The following SND1 variants were observed in gnomAD, a reference collection of about 807,000 sequenced individuals.
SND1 encodes the protein staphylococcal nuclease and tudor domain containing 1.
A neutral mutation model predicts 121.7 loss-of-function variants in SND1; 38 were observed. The ratio of observed to expected loss-of-function variants is 0.31; its 90% confidence interval spans 0.24 to 0.41. The LOEUF (loss-of-function observed/expected upper bound fraction) is 0.41. Among genes scored for constraint, SND1 ranks in the 10% least tolerant of loss-of-function variants. SND1 has a pLI of 1.00. For missense variants in SND1, 868 were observed against 1,184.6 expected (o/e 0.73, Z 3.92); for synonymous variants, 401 against 447.4 (o/e 0.90, Z 1.31).
chr7:127,763,691 A>C (rs971054991), intron 10 of SND1, among the ~76,000 whole-genome samples: 3 of 152,110 alleles, frequency 2.0e-5, no homozygotes, highest in Non-Finnish European at 4.4e-5. Flanking sequence ...GGACAAAAAA[A>C]CCCAGGACTA....
rs185719312 is a variant in SND1 at position 127,658,488 on chromosome 7, A to C, written c.78+6037A>C. The stretch of plus-strand genomic sequence containing the variant: ...GATTAAAAAAGAAAATGCCAAAAGT[A>C]GGCTTTATAAGAGCTAAATAGCATC... On this transcript the variant is annotated intron_variant, in intron 1 of 23. Coordinates refer to ENST00000354725, the MANE Select transcript of SND1 (RefSeq NM_014390.4). Among the ~76,000 whole-genome samples, 13 of 152,350 alleles carry C rather than the reference A, an allele frequency of 8.5e-5. No homozygotes were observed. The East Asian group carries it at 2.5e-3, about 29-fold the overall frequency.
chr7:127,892,260 A>T (rs1015812629), intron 13 of SND1, among the ~76,000 whole-genome samples: 3 of 152,106 alleles, frequency 2.0e-5, no homozygotes, highest in African/African-American at 7.2e-5. Context: ...AAGGGATATG[A>T]TCTGCCAACC....
At chr7:128,090,034 A>G (rs1375553330) in intron 22 of SND1, among the ~76,000 whole-genome samples, 1 of 152,122 alleles carries the variant, frequency 6.6e-6, no homozygotes, top group Non-Finnish European at 1.5e-5. Flanking sequence ...ACTGTCCAAC[A>G]GACAGCTTCC....
At chr7:127,670,913 A>C (rs1428240259) in intron 1 of SND1, among the ~76,000 whole-genome samples, 1 of 152,014 alleles carries the variant, frequency 6.6e-6, no homozygotes, top group Non-Finnish European at 1.5e-5. Context: ...TTTTTGGAGC[A>C]GTAGTCTTTT....
At chr7:127,755,684 G>A (rs549051966) in intron 10 of SND1, among the ~76,000 whole-genome samples, 25 of 152,330 alleles carry the variant, frequency 1.6e-4, no homozygotes, top group African/African-American at 5.8e-4. Flanking sequence ...TGCAAATGAT[G>A]GTCTAATTTG....
chr7:127,673,455 A>G (rs1296551229), intron 1 of SND1, among the ~76,000 whole-genome samples: 1 of 151,974 alleles, frequency 6.6e-6, no homozygotes, highest in Non-Finnish European at 1.5e-5. Context: ...GGGACTACAG[A>G]CACATGTCAC....
intron 10 of SND1, among the ~76,000 whole-genome samples, chr7:127,741,811 G>A (rs922454772): frequency 6.6e-6 from 1 of 152,142 alleles, no homozygotes; most frequent in Non-Finnish European, 1.5e-5. Flanking sequence ...TTTTGGGGTA[G>A]CTCAGATCTC....
At chr7:127,655,208 T>C (rs1795190773) in intron 1 of SND1, among the ~76,000 whole-genome samples, 1 of 152,188 alleles carries the variant, frequency 6.6e-6, no homozygotes, top group African/African-American at 2.4e-5. Context: ...TCCTTCCTCT[T>C]TTTTGGCAAA....
In SND1 at chr7:127,972,028, G is replaced by A. The variant is rs541076705; in HGVS notation, c.1670-18919G>A. ...GAGCTCAGACAGTCCACCCGCCTCG[G>A]CCTCCCAAAGTGCTAGGATTATAGG... On this transcript the variant is annotated intron_variant, in intron 15 of 23. Coordinates refer to ENST00000354725, the MANE Select transcript of SND1 (RefSeq NM_014390.4). Among the ~76,000 whole-genome samples the A allele has an allele frequency of 6.3e-4, 96 of 152,018 alleles. 1 individual carries two copies. Among genetic ancestry groups the A allele is most frequent in the Non-Finnish European group, 1.1e-3 (75 of 67,972 alleles).
At chr7:127,732,397 T>C (rs536968863) in intron 10 of SND1, among the ~76,000 whole-genome samples, 30 of 152,344 alleles carry the variant, frequency 2.0e-4, no homozygotes, top group Admixed American at 1.8e-3. Context: ...ATTTGGTCGT[T>C]CTATTAGTTG....
chr7:127,990,726 C>T (rs1433226206), intron 15 of SND1, among the ~76,000 whole-genome samples: 2 of 152,176 alleles, frequency 1.3e-5, no homozygotes, highest in African/African-American at 4.8e-5. Flanking sequence ...GCTGAGAGCT[C>T]CTATCCATTG....
At chr7:127,942,446 G>A (rs767953443) in intron 15 of SND1, among the ~76,000 whole-genome samples, 1 of 152,162 alleles carries the variant, frequency 6.6e-6, no homozygotes, top group African/African-American at 2.4e-5. Context: ...AATCAGAAAT[G>A]CACAGTCATA....
At chr7:128,002,044 G>A (rs1046058505) in intron 16 of SND1, among the ~76,000 whole-genome samples, 1 of 152,244 alleles carries the variant, frequency 6.6e-6, no homozygotes, top group African/African-American at 2.4e-5. Flanking sequence ...AGGTATGTGT[G>A]TTGTGAGCAG....
chr7:127,864,983 G>A (rs964932799), intron 12 of SND1, among the ~76,000 whole-genome samples: 3 of 152,232 alleles, frequency 2.0e-5, no homozygotes, highest in Non-Finnish European at 4.4e-5. Context: ...TCATGTTATA[G>A]AAGCACCATT....
chr7:127,666,677 A>G (rs943495407), intron 1 of SND1, among the ~76,000 whole-genome samples: 5 of 152,244 alleles, frequency 3.3e-5, no homozygotes, highest in African/African-American at 9.6e-5. Flanking sequence ...GTTTTTAATA[A>G]AAATGGATGA....
chr7:127,762,484 A>T (rs1355977900), intron 10 of SND1, among the ~76,000 whole-genome samples: 1 of 152,158 alleles, frequency 6.6e-6, no homozygotes, highest in African/African-American at 2.4e-5. Flanking sequence ...GACCCACTGT[A>T]ATGGCCTCAT....
At chr7:128,009,773 CTTTT>C (rs35016140) in intron 16 of SND1, among the ~76,000 whole-genome samples, 2 of 144,920 alleles carry the variant, frequency 1.4e-5, no homozygotes, top group Non-Finnish European at 1.5e-5. Context: ...TTCTCAATAA[CTTTT>C]TTTTTTTTTT....
chr7:127,858,598 T>C (rs960726597), intron 12 of SND1: 1 of 336,218 alleles, frequency 3.0e-6, no homozygotes, highest in Non-Finnish European at 5.6e-6. Context: ...CAGTTGCTAA[T>C]GGACTCTAGG....
chr7:127,997,177 C>T (rs557983436), intron 16 of SND1, among the ~76,000 whole-genome samples: 1 of 152,330 alleles, frequency 6.6e-6, no homozygotes, highest in Non-Finnish European at 1.5e-5. Flanking sequence ...AAGACATATA[C>T]TAAAACTCAA....
Sources: allele counts gnomAD v4.1 joint callset (sites outside exome capture counted in the v4.1 genomes callset), GRCh38; gene constraint gnomAD v4.1.1; transcripts MANE v1.5; gene names NCBI Gene and HGNC (gene_info 2026-07-23, HGNC 2026-07-21).